Variants in ANKRD30B observed in about 807,000 individuals in gnomAD.
The protein encoded by ANKRD30B is ankyrin repeat domain-containing protein 30B.
In ANKRD30B, 144 loss-of-function variants were observed where a neutral mutation model predicts 202.2. That is an observed-to-expected ratio of 0.71 (90% CI 0.62 to 0.82). ANKRD30B has a LOEUF of 0.82. Among genes scored for constraint, ANKRD30B ranks in the 40% least tolerant of loss-of-function variants. The pLI, the probability that ANKRD30B is intolerant of heterozygous loss-of-function variation, is 0.00. For missense variants in ANKRD30B, 1,487 were observed against 1,669.1 expected (o/e 0.89, Z 1.90); for synonymous variants, 508 against 561.3 (o/e 0.91, Z 1.34).
At chr18:14,855,434 G>C (rs1396163794), downstream of ANKRD30B, among the ~76,000 whole-genome samples, 1 of 152,204 alleles carries the variant, frequency 6.6e-6, no homozygotes, top group Admixed American at 6.5e-5. Context: ...GAAGCTGTTG[G>C]GTACACCTGC....
At chr18:14,919,692 G>A in the ANKRD30B span, among the ~76,000 whole-genome samples, 2 of 152,298 alleles carry the variant, frequency 1.3e-5, no homozygotes, top group South Asian at 4.1e-4. Flanking sequence ...ATGAACATAT[G>A]CTTTTTATTT....
the ANKRD30B span, among the ~76,000 whole-genome samples, chr18:14,928,807 T>G: frequency 2.0e-5 from 3 of 152,228 alleles, no homozygotes; most frequent in Non-Finnish European, 4.4e-5. Context: ...ATATTTTTCT[T>G]AAATCTGTCT....
chr18:14,934,336 G>A, the ANKRD30B span, among the ~76,000 whole-genome samples: 8 of 152,208 alleles, frequency 5.3e-5, no homozygotes, highest in African/African-American at 1.4e-4. Context: ...TGGGGAGTTC[G>A]ATTCCTCTCC....
intron 1 of ANKRD30B, among the ~76,000 whole-genome samples, chr18:14,750,213 C>G (rs1031701507): frequency 1.3e-5 from 2 of 151,978 alleles, no homozygotes; most frequent in Non-Finnish European, 2.9e-5. Context: ...AAAAATCTTC[C>G]TTTTATAGAG....
chr18:14,828,252 A>G, intron 32 of ANKRD30B, 26 bp from the exon 33 acceptor site: 2 of 1,484,612 alleles, frequency 1.3e-6, no homozygotes, highest in Non-Finnish European at 9.1e-7. Flanking sequence ...TGTTGATTTA[A>G]TGTATTTTAC....
chr18:14,751,490 G>C (rs9303854), intron 1 of ANKRD30B, among the ~76,000 whole-genome samples: 138,368 of 152,068 alleles, frequency 0.91, 63,045 homozygotes, highest in Admixed American at 0.93. Flanking sequence ...TTCCTCTCAT[G>C]TTTCAAACAA....
intron 14 of ANKRD30B, 131 bp downstream of exon 14, chr18:14,784,666 G>T (rs1163583055): frequency 2.0e-6 from 2 of 1,012,792 alleles, no homozygotes; most frequent in Non-Finnish European, 2.7e-6. Context: ...GCCAATACTG[G>T]TATTTATGTT....
chr18:14,866,790 G>A, the ANKRD30B span, among the ~76,000 whole-genome samples: 8 of 152,030 alleles, frequency 5.3e-5, no homozygotes, highest in Non-Finnish European at 7.4e-5. Flanking sequence ...GGTTCACTGC[G>A]CTATCAGGGT....
chr18:14,831,342 TATATGA>T (rs1970930048), intron 33 of ANKRD30B, 35 bp from the exon 34 acceptor site: 5 of 1,303,492 alleles, frequency 3.8e-6, no homozygotes, highest in Non-Finnish European at 5.3e-6. Context: ...TCTTTTTAAA[TATATGA>T]ATTTGCTCAT....
intron 41 of ANKRD30B, 95 bp downstream of exon 41, chr18:14,850,477 C>G (rs1030778700): frequency 2.4e-6 from 3 of 1,234,662 alleles, no homozygotes; most frequent in Non-Finnish European, 3.2e-6. Flanking sequence ...TTATTCAGGT[C>G]TAAATCAAAG....
At chr18:14,906,294 G>A in the ANKRD30B span, among the ~76,000 whole-genome samples, 1 of 151,964 alleles carries the variant, frequency 6.6e-6, no homozygotes, top group East Asian at 1.9e-4. Context: ...ACTTTCTCTT[G>A]TGTTCTCTGT....
At position 14,763,905 on chromosome 18, in the gene ANKRD30B, C is replaced by T. The variant is rs1235453478; in HGVS notation, c.1040C>T (p.Ser347Phe). 6.2e-7 allele frequency: 1 copy of T among 1,611,832 alleles called. No homozygotes were observed. The highest frequency in any genetic ancestry group is 2.2e-5 in the East Asian group (1 of 44,772). ...ATTTTGAGGCCTACAAAAGAAACAT[C>T]TGAGAAATTTTCATGGCCAGCAAAA... ...RKILRPTKET[S>F]EKFSWPAKER... Residue 347 changes from serine (S) to phenylalanine (F), a missense_variant, in exon 7 of 44, where the codon TCT (serine) becomes TTT (phenylalanine). Physicochemically the swap from Ser to Phe is radical, Grantham distance 155. Coordinates refer to ENST00000690538, the MANE Select transcript of ANKRD30B (RefSeq NM_001367607.2).
At chr18:14,879,062 A>G in the ANKRD30B span, among the ~76,000 whole-genome samples, 1 of 151,774 alleles carries the variant, frequency 6.6e-6, no homozygotes, top group Admixed American at 6.5e-5. Flanking sequence ...CGTTCTGCTC[A>G]GCACAGACCC....
At chr18:14,856,553 G>A (rs1228588208), downstream of ANKRD30B, among the ~76,000 whole-genome samples, 184 of 121,248 alleles carry the variant, frequency 1.5e-3, no homozygotes, top group Middle Eastern at 6.7e-3. Flanking sequence ...AGGCAGAGGC[G>A]CTCCTCACTT....
chr18:14,872,991 A>G, the ANKRD30B span, among the ~76,000 whole-genome samples: 13 of 152,242 alleles, frequency 8.5e-5, 1 homozygote, highest in East Asian at 2.5e-3. Flanking sequence ...CTGGATGTAG[A>G]GTTGCCACAT....
intron 37 of ANKRD30B, among the ~76,000 whole-genome samples, chr18:14,841,455 AAG>A (rs1971417263): frequency 1.3e-5 from 2 of 152,160 alleles, no homozygotes; most frequent in South Asian, 4.1e-4. Context: ...AGTTGGATAG[AAG>A]TTCAAGACAT....
At chr18:14,883,994 A>T in the ANKRD30B span, 1 of 172,372 alleles carries the variant, frequency 5.8e-6, no homozygotes, top group Admixed American at 8.7e-5. Context: ...CATTAAAAAC[A>T]TCTAGTTTAT....
chr18:14,894,895 A>C, the ANKRD30B span, among the ~76,000 whole-genome samples: 7 of 147,746 alleles, frequency 4.7e-5, no homozygotes, highest in Admixed American at 4.1e-4. Flanking sequence ...ACCTAGTTAA[A>C]AAGTGGGCAA....
chr18:14,908,824 C>T, the ANKRD30B span, among the ~76,000 whole-genome samples: 1 of 152,126 alleles, frequency 6.6e-6, no homozygotes, highest in African/African-American at 2.4e-5. Flanking sequence ...AGGGCCCTCC[C>T]CTGTGGTATG....
Sources: gnomAD v4.1 joint callset for allele counts (sites outside exome capture counted in the v4.1 genomes callset) on GRCh38, gnomAD v4.1.1 for gene constraint, MANE v1.5 for transcripts, NCBI Gene and HGNC (gene_info 2026-07-23, HGNC 2026-07-21) for gene names.